The following ERC2 variants were observed in gnomAD, a reference collection of about 807,000 sequenced individuals.
The protein encoded by ERC2 is ERC protein 2.
ERC2 carries 42 observed loss-of-function variants against 114.8 expected under a neutral mutation model. That is an observed-to-expected ratio of 0.37 (90% CI 0.29 to 0.47). ERC2 has a LOEUF of 0.47. Among genes scored for constraint, ERC2 ranks in the 20% least tolerant of loss-of-function variants. The probability of loss-of-function intolerance (pLI) is 0.99; values close to 1 mark genes in which losing one functional copy is unlikely to be tolerated. For synonymous variants in ERC2, 454 were observed against 425.5 expected, an observed-to-expected ratio of 1.07 and a Z score of -0.82; for missense variants, 939 against 1,150.7, an observed-to-expected ratio of 0.82 and a Z score of 2.66.
At chr3:56,176,145 A>G (rs2082963157) in intron 3 of ERC2, among the ~76,000 whole-genome samples, 2 of 152,226 alleles carry the variant, frequency 1.3e-5, no homozygotes. Flanking sequence ...GAAGAAATTC[A>G]TTTCATAGAT....
chr3:56,136,945 A>C (rs1347713597), intron 6 of ERC2, among the ~76,000 whole-genome samples: 3 of 152,232 alleles, frequency 2.0e-5, no homozygotes. Context: ...ATTTTTTTCT[A>C]CTTCAAAGCA....
At chr3:55,619,351 TA>T (rs754846246) in intron 17 of ERC2, among the ~76,000 whole-genome samples, 17 of 152,210 alleles carry the variant, frequency 1.1e-4, no homozygotes, top group Admixed American at 3.3e-4. Context: ...CGCTCAAATG[TA>T]AAAGCAGGGT....
intron 17 of ERC2, among the ~76,000 whole-genome samples, chr3:55,621,085 G>A (rs147849006): frequency 6.6e-6 from 1 of 152,162 alleles, no homozygotes; most frequent in East Asian, 1.9e-4. Flanking sequence ...CTTCATATTA[G>A]CATCATCCAT....
chr3:55,591,305 C>G (rs1048313669), intron 17 of ERC2, among the ~76,000 whole-genome samples: 1 of 151,616 alleles, frequency 6.6e-6, no homozygotes, highest in Non-Finnish European at 1.5e-5. Context: ...TGCCTTCTGT[C>G]ACGTAAAACC....
intron 2 of ERC2, among the ~76,000 whole-genome samples, chr3:56,370,647 T>G (rs977356877): frequency 3.3e-5 from 5 of 150,184 alleles, no homozygotes; most frequent in Non-Finnish European, 7.4e-5. Context: ...CAGGCTGTAG[T>G]GCAGTGGCGT....
chr3:56,134,920 GTTTT>G (rs147281232), intron 6 of ERC2, among the ~76,000 whole-genome samples: 1 of 143,096 alleles, frequency 7.0e-6, no homozygotes, highest in East Asian at 2.0e-4. Context: ...CTTTTTTTTT[GTTTT>G]TTTTTGTTTT....
At chr3:56,399,028 T>C (rs2060422286) in intron 2 of ERC2, among the ~76,000 whole-genome samples, 1 of 152,220 alleles carries the variant, frequency 6.6e-6, no homozygotes, top group Non-Finnish European at 1.5e-5. Context: ...AAGATGGCCA[T>C]GTCAAGTGGG....
intron 14 of ERC2, among the ~76,000 whole-genome samples, chr3:55,834,159 T>C (rs1201412504): frequency 6.6e-5 from 10 of 152,100 alleles, no homozygotes; most frequent in Non-Finnish European, 4.4e-5. Context: ...ACATTAATAA[T>C]GGGAGACTTT....
intron 6 of ERC2, among the ~76,000 whole-genome samples, chr3:56,109,013 T>C (rs2078817265): frequency 6.6e-6 from 1 of 152,180 alleles, no homozygotes; most frequent in Non-Finnish European, 1.5e-5. Context: ...CAAAATAGAC[T>C]CTTTTTTTAA....
chr3:56,003,881 A>G (rs1334014521), intron 10 of ERC2, among the ~76,000 whole-genome samples: 1 of 152,082 alleles, frequency 6.6e-6, no homozygotes, highest in Non-Finnish European at 1.5e-5. Context: ...GTGGGTTTAA[A>G]TGTGCTGAAT....
chr3:55,966,926 AC>A, intron 12 of ERC2, among the ~76,000 whole-genome samples: 1 of 152,330 alleles, frequency 6.6e-6, no homozygotes, highest in African/African-American at 2.4e-5. Context: ...TCACATGCAT[AC>A]ATATATATTT....
At chr3:56,183,586 G>A (rs2083416708) in intron 3 of ERC2, among the ~76,000 whole-genome samples, 1 of 152,188 alleles carries the variant, frequency 6.6e-6, no homozygotes, top group Non-Finnish European at 1.5e-5. Context: ...TCTTTGTTCT[G>A]TGCTCTGACA....
intron 7 of ERC2, among the ~76,000 whole-genome samples, chr3:56,075,771 G>C (rs998096046): frequency 2.4e-4 from 37 of 152,030 alleles, no homozygotes; most frequent in Admixed American, 2.2e-3. Context: ...AAAATTAGGA[G>C]GTTTGCCAAT....
intron 3 of ERC2, among the ~76,000 whole-genome samples, chr3:56,245,176 A>T (rs902642704): frequency 6.6e-6 from 1 of 150,460 alleles, no homozygotes; most frequent in Non-Finnish European, 1.5e-5. Context: ...CTGTATTATA[A>T]ATTAAATATA....
Position 56,026,057 on chromosome 3 carries a change from C to CT in ERC2, c.1642-7027dup, listed in dbSNP as rs59635680. Among the ~76,000 whole-genome samples, 383 of 69,186 alleles carry CT rather than the reference C, an allele frequency of 5.5e-3. 7 individuals are homozygous for CT. The highest frequency in any genetic ancestry group is 0.012 in the Middle Eastern group (1 of 86). 45.4% of individuals were successfully genotyped at this position (69,186 alleles called of 152,430 possible). A position where few individuals can be genotyped will look rare whatever the true frequency, so the allele number is the denominator to read the frequency against. On this transcript the variant is annotated intron_variant, in intron 7 of 17. Coordinates refer to ENST00000288221, the MANE Select transcript of ERC2 (RefSeq NM_015576.3). ...GCAAACCCCCTTCCTCCGTTTCTTT[C>CT]TTTTTTTTTTTTTTTTTTTTTTTTT... is the stretch of plus-strand genomic sequence containing the variant.
intron 3 of ERC2, among the ~76,000 whole-genome samples, chr3:56,293,307 T>C (rs976901361): frequency 2.0e-5 from 3 of 152,234 alleles, no homozygotes; most frequent in African/African-American, 7.2e-5. Context: ...GTGTATCCTC[T>C]TGCTGTATTA....
At chr3:55,873,387 C>T (rs891656731) in intron 14 of ERC2, among the ~76,000 whole-genome samples, 1 of 152,156 alleles carries the variant, frequency 6.6e-6, no homozygotes, top group South Asian at 2.1e-4. Flanking sequence ...CCTCTCTGAG[C>T]CTCTGTTGCC....
intron 14 of ERC2, among the ~76,000 whole-genome samples, chr3:55,744,704 C>T (rs2066198698): frequency 6.6e-6 from 1 of 152,206 alleles, no homozygotes. Context: ...TGGGCCTGCT[C>T]CCACCCTGTG....
At chr3:55,977,858 T>C (rs968390372) in intron 12 of ERC2, among the ~76,000 whole-genome samples, 1 of 152,120 alleles carries the variant, frequency 6.6e-6, no homozygotes, top group African/African-American at 2.4e-5. Flanking sequence ...AATTAAATAG[T>C]ATGCAGAGGT....
Sources: allele counts gnomAD v4.1 joint callset (sites outside exome capture counted in the v4.1 genomes callset), GRCh38; gene constraint gnomAD v4.1.1; transcripts MANE v1.5; gene names NCBI Gene and HGNC (gene_info 2026-07-23, HGNC 2026-07-21).